The following XRCC5 variants were observed in gnomAD, a reference collection of about 807,000 sequenced individuals.
The protein encoded by XRCC5 is DNA repair protein Ku80.
A neutral mutation model predicts 95.7 loss-of-function variants in XRCC5; 12 were observed. The ratio of observed to expected loss-of-function variants is 0.13; its 90% CI spans 0.08 to 0.20. XRCC5 has a LOEUF of 0.20. XRCC5 is among the 10% of genes least tolerant of loss of function. The pLI is 1.00. For synonymous variants in XRCC5, 281 were observed against 290.3 expected (o/e 0.97, Z 0.33); for missense variants, 595 against 873.9 (o/e 0.68, Z 4.02).
intron 17 of XRCC5, among the ~76,000 whole-genome samples, chr2:216,191,278 T>C (rs1007754131): frequency 9.9e-5 from 15 of 152,154 alleles, no homozygotes; most frequent in Admixed American, 1.3e-4. Context: ...TGTGCATGGT[T>C]GCCACCCAGT....
At chr2:216,144,679 A>G (rs550112088) in intron 13 of XRCC5, among the ~76,000 whole-genome samples, 13 of 152,344 alleles carry the variant, frequency 8.5e-5, no homozygotes, top group Non-Finnish European at 1.3e-4. Context: ...GAGAAAATCT[A>G]TTGGATATCC....
chr2:216,127,773 T>G (rs1310360451), intron 8 of XRCC5, 99 bp downstream of exon 8: 1 of 1,309,554 alleles, frequency 7.6e-7, no homozygotes, highest in East Asian at 2.5e-5. Flanking sequence ...TAAAGTTATT[T>G]CTTTGAGTTA....
chr2:216,157,361 G>A (rs1414372207), intron 14 of XRCC5, among the ~76,000 whole-genome samples: 1 of 151,932 alleles, frequency 6.6e-6, no homozygotes. Context: ...AGCCTTTCGA[G>A]TAGCTGGGAC....
intron 17 of XRCC5, among the ~76,000 whole-genome samples, chr2:216,190,995 G>A (rs928448870): frequency 2.0e-5 from 3 of 152,172 alleles, no homozygotes; most frequent in Admixed American, 6.5e-5. Flanking sequence ...CTTGGCGAAC[G>A]TATGAATGAA....
chr2:216,146,694 G>A (rs1388421504), intron 13 of XRCC5, among the ~76,000 whole-genome samples: 1 of 152,188 alleles, frequency 6.6e-6, no homozygotes. Flanking sequence ...GCAGGCCAAG[G>A]CCTGGCCCAG....
intron 2 of XRCC5, 47 bp from the exon 3 acceptor site, chr2:216,116,612 C>G: frequency 5.6e-6 from 9 of 1,610,862 alleles, no homozygotes; most frequent in Non-Finnish European, 7.6e-6. Context: ...TTTATTGCTT[C>G]CAGATTGTTC....
intron 16 of XRCC5, among the ~76,000 whole-genome samples, chr2:216,177,258 T>G (rs1416537551): frequency 6.6e-6 from 1 of 152,344 alleles, no homozygotes; most frequent in African/African-American, 2.4e-5. Flanking sequence ...CTAGTTGTTT[T>G]CCGTGACGTT....
At chr2:216,157,334 C>T (rs1468445763) in intron 14 of XRCC5, among the ~76,000 whole-genome samples, 1 of 151,814 alleles carries the variant, frequency 6.6e-6, no homozygotes, top group Non-Finnish European at 1.5e-5. Flanking sequence ...CCCGGGTTCA[C>T]GCCATTCTCC....
In XRCC5 at chr2:216,194,181, T is replaced by G. The variant is rs76448714; in HGVS notation, c.2042-738T>G. Among the ~76,000 whole-genome samples, 25 of 152,380 alleles carry G rather than the reference T, an allele frequency of 1.6e-4. No homozygotes were observed. The East Asian group carries it at 4.8e-3, about 29-fold the overall frequency. On this transcript the variant is annotated intron_variant, in intron 18 of 20. Coordinates refer to ENST00000392132, the MANE Select transcript of XRCC5 (RefSeq NM_021141.4). ...GTCCTCTCTTAACGTCCATAGGTTCTTGAAAATTGTGACTTTAAGCAAAAT... is the reference window on the plus strand; with the variant it reads ...GTCCTCTCTTAACGTCCATAGGTTCGTGAAAATTGTGACTTTAAGCAAAAT...
intron 19 of XRCC5, among the ~76,000 whole-genome samples, chr2:216,200,802 T>C (rs1298594549): frequency 6.6e-6 from 1 of 152,150 alleles, no homozygotes; most frequent in African/African-American, 2.4e-5. Flanking sequence ...TATGTGATTA[T>C]AGCTATGTAG....
In XRCC5 at chr2:216,114,914, G is replaced by C. The variant is rs540554034; in HGVS notation, c.136-1745G>C. On this transcript the variant is annotated intron_variant, in intron 2 of 20. Coordinates refer to ENST00000392132, the MANE Select transcript of XRCC5 (RefSeq NM_021141.4). ...TGCGGCCCCCTCTTAAGCAGTAGCA[G>C]GGCTAGTGCGCATGCGTTGATTAAT... 1.1e-4 allele frequency among the ~76,000 whole-genome samples: 16 copies of C among 152,288 alleles called. No homozygotes were observed. The East Asian group carries it at 2.9e-3, about 28-fold the overall frequency.
chr2:216,197,428 A>C (rs2106051856), intron 19 of XRCC5, among the ~76,000 whole-genome samples: 1 of 149,230 alleles, frequency 6.7e-6, no homozygotes, highest in Admixed American at 6.7e-5. Context: ...CTGGACAACG[A>C]AAGCGAAACT....
chr2:216,199,085 A>G (rs563969923), intron 19 of XRCC5, among the ~76,000 whole-genome samples: 3 of 152,330 alleles, frequency 2.0e-5, no homozygotes, highest in East Asian at 1.9e-4. Flanking sequence ...ATTGCCTTCA[A>G]ATGTTCAATT....
At chr2:216,117,510 TGTTA>T (rs1696721296) in intron 3 of XRCC5, 1 of 497,430 alleles carries the variant, frequency 2.0e-6, no homozygotes, top group Non-Finnish European at 3.6e-6. Flanking sequence ...GAATGCAATG[TGTTA>T]GATTACCTTT....
intron 16 of XRCC5, among the ~76,000 whole-genome samples, chr2:216,166,786 C>T (rs207922): frequency 0.26 from 38,866 of 151,846 alleles, 6,121 homozygotes; most frequent in Non-Finnish European, 0.37. Flanking sequence ...AATTCCTGCG[C>T]GATTATGTCT....
At position 216,169,157 on chromosome 2, in the gene XRCC5, G is replaced by A. The variant is rs577044732; in HGVS notation, c.1834+7109G>A. 1.5e-4 allele frequency among the ~76,000 whole-genome samples: 23 copies of A among 152,382 alleles called. No homozygotes were observed. The South Asian group carries it at 4.6e-3, about 30-fold the overall frequency. On this transcript the variant is annotated intron_variant, in intron 16 of 20. Coordinates refer to ENST00000392132, the MANE Select transcript of XRCC5 (RefSeq NM_021141.4). The stretch of plus-strand genomic sequence containing the variant: ...GAGGGTTTGGGGTAAGAGCATTATT[G>A]CTGACCTGATTGACTAAACATACAT...
In XRCC5 at chr2:216,195,003, C is replaced by T; in HGVS notation, c.2109+17C>T. 6.2e-7 allele frequency: 1 copy of T among 1,612,892 alleles called. No homozygotes were observed. Among genetic ancestry groups the T allele is most frequent in the Non-Finnish European group, 8.5e-7 (1 of 1,178,992 alleles). On this transcript the variant is annotated intron_variant, in intron 19 of 20. Transcript: ENST00000392132. ...GCCAAAAAGGTATTGAGGGGTAAAC[C>T]TTTGTCTTTAGTTGAATTATTATAG...
chr2:216,111,367 T>A, intron 1 of XRCC5: 1 of 449,052 alleles, frequency 2.2e-6, no homozygotes. Flanking sequence ...ACAAAAAAAA[T>A]TTAAGAATTA....
At chr2:216,127,820 A>G in intron 8 of XRCC5, 146 bp downstream of exon 8, 1 of 886,108 alleles carries the variant, frequency 1.1e-6, no homozygotes, top group Non-Finnish European at 1.6e-6. Flanking sequence ...ATGAGACCCT[A>G]GGTCCTTTAG....
Sources: allele counts gnomAD v4.1 joint callset (sites outside exome capture counted in the v4.1 genomes callset), GRCh38; gene constraint gnomAD v4.1.1; transcripts MANE v1.5; gene names NCBI Gene and HGNC (gene_info 2026-07-23, HGNC 2026-07-21).